Variants in EIF4G3 observed in about 807,000 individuals in gnomAD.
EIF4G3 encodes eukaryotic translation initiation factor 4 gamma 3, also known as eIF-4-gamma 3.
In EIF4G3, 34 loss-of-function variants were observed where a neutral mutation model predicts 186.4. The ratio of observed to expected loss-of-function variants is 0.18; its 90% confidence interval spans 0.14 to 0.24. The LOEUF is 0.24. EIF4G3 is among the 10% of genes least tolerant of loss of function. The pLI, the probability that EIF4G3 is intolerant of heterozygous loss-of-function variation, is 1.00. For missense variants in EIF4G3, 1,536 were observed against 1,948.5 expected (o/e 0.79, Z 3.99); for synonymous variants, 673 against 679.5 (o/e 0.99, Z 0.15).
In EIF4G3 at chr1:21,023,949, G is replaced by A. The variant is rs1200772743; in HGVS notation, c.-66-21141C>T. On this transcript the variant is annotated intron_variant, in intron 4 of 36. Coordinates refer to ENST00000602326, the MANE Select transcript of EIF4G3 (RefSeq NM_001391906.1). Reference sequence around the variant, plus strand: ...GTGAGGAGCGCCTCTGCCCGGCCACGACCCCATCTGGGAGGTGAGGAGCGT... The same window carrying A: ...GTGAGGAGCGCCTCTGCCCGGCCACAACCCCATCTGGGAGGTGAGGAGCGT... 1.1e-4 allele frequency among the ~76,000 whole-genome samples: 6 copies of A among 56,654 alleles called. 2 individuals are homozygous for A. The highest frequency in any genetic ancestry group is 1.2e-3 in the South Asian group (2 of 1,736). The allele number at this position is 56,654 out of a possible 152,430, so 37.2% of individuals were successfully genotyped here.
chr1:20,989,172 C>T (rs1419487161), intron 7 of EIF4G3, among the ~76,000 whole-genome samples: 1 of 149,086 alleles, frequency 6.7e-6, no homozygotes, highest in African/African-American at 2.5e-5. Flanking sequence ...AAGCTGATTC[C>T]AATACTCATG....
chr1:20,918,979 T>C (rs1008062156), intron 14 of EIF4G3, among the ~76,000 whole-genome samples: 1 of 152,216 alleles, frequency 6.6e-6, no homozygotes, highest in Admixed American at 6.5e-5. Context: ...GGCAAACTAA[T>C]AGCTTAAATG....
At chr1:21,101,927 G>T (rs979790604) in intron 2 of EIF4G3, among the ~76,000 whole-genome samples, 1 of 151,814 alleles carries the variant, frequency 6.6e-6, no homozygotes, top group Non-Finnish European at 1.5e-5. Flanking sequence ...TTGAGAGCTC[G>T]GCCATCTGTT....
At chr1:20,825,251 G>GAAAAAAAAAAAAA (rs71585786) in intron 32 of EIF4G3, 53 bp from the exon 33 acceptor site, 35 of 231,666 alleles carry the variant, frequency 1.5e-4, no homozygotes, top group South Asian at 3.2e-4. Context: ...AGAAGAAACA[G>GAAAAAAAAAAAAA]AAAAAAAAAA....
chr1:21,093,125 C>T (rs2096255550), intron 2 of EIF4G3, among the ~76,000 whole-genome samples: 1 of 152,164 alleles, frequency 6.6e-6, no homozygotes. Flanking sequence ...TAAAGAGCTT[C>T]TGTACAGCAA....
intron 30 of EIF4G3, among the ~76,000 whole-genome samples, chr1:20,833,675 A>C (rs1455409589): frequency 6.6e-6 from 1 of 152,234 alleles, no homozygotes; most frequent in Admixed American, 6.5e-5. Context: ...GTAATCCAGC[A>C]TATAAACAGA....
chr1:20,899,646 G>A, intron 16 of EIF4G3, 51 bp downstream of exon 16: 2 of 1,590,614 alleles, frequency 1.3e-6, no homozygotes, highest in Non-Finnish European at 1.7e-6. Context: ...ATTTCTCTAA[G>A]GTTGCAGTAG....
At chr1:21,080,899 T>C (rs769635588) in intron 3 of EIF4G3, among the ~76,000 whole-genome samples, 2 of 152,220 alleles carry the variant, frequency 1.3e-5, no homozygotes, top group Non-Finnish European at 2.9e-5. Flanking sequence ...TATTCTATTA[T>C]TAAGTTCATC....
intron 4 of EIF4G3, among the ~76,000 whole-genome samples, chr1:21,005,394 T>C (rs1337006564): frequency 6.6e-6 from 1 of 152,168 alleles, no homozygotes. Flanking sequence ...CAGGAGTTTC[T>C]AGCTGTCAAG....
intron 6 of EIF4G3, among the ~76,000 whole-genome samples, chr1:20,999,148 C>T (rs1008925783): frequency 6.6e-6 from 1 of 152,168 alleles, no homozygotes; most frequent in Non-Finnish European, 1.5e-5. Flanking sequence ...TAAAATGTCA[C>T]CTTTTGTTCA....
rs79852538 is a variant in EIF4G3 at position 21,106,910 on chromosome 1, G to A, written c.-271-17697C>T. ...TACTCTTCACACTTTACACTCTACT[G>A]TTGACACATCAGGACAAGGGCAACT... is the stretch of plus-strand genomic sequence containing the variant. On this transcript the variant is annotated intron_variant, in intron 2 of 36. Coordinates refer to ENST00000602326, the MANE Select transcript of EIF4G3 (RefSeq NM_001391906.1). 1.8e-4 allele frequency among the ~76,000 whole-genome samples: 28 copies of A among 152,236 alleles called. No individual in the cohort carries two copies. In the East Asian group the frequency reaches 5.0e-3, roughly 27 times the overall value.
chr1:21,029,532 G>A (rs1156378197), intron 4 of EIF4G3, among the ~76,000 whole-genome samples: 1 of 151,994 alleles, frequency 6.6e-6, no homozygotes, highest in Admixed American at 6.6e-5. Context: ...CACTTTGGGA[G>A]GCCAAGGCAG....
At chr1:21,139,020 G>A (rs2097295283) in intron 2 of EIF4G3, among the ~76,000 whole-genome samples, 1 of 152,024 alleles carries the variant, frequency 6.6e-6, no homozygotes, top group African/African-American at 2.4e-5. Flanking sequence ...AAAATGCTGG[G>A]ATTACAGGCA....
chr1:21,003,440 T>C (rs1355983910), intron 4 of EIF4G3: 1 of 167,714 alleles, frequency 6.0e-6, no homozygotes, highest in Non-Finnish European at 1.3e-5. Context: ...TAAGTTACCA[T>C]AAATCTCCTG....
At chr1:21,044,239 T>C (rs373311169) in intron 4 of EIF4G3, among the ~76,000 whole-genome samples, 2 of 152,242 alleles carry the variant, frequency 1.3e-5, no homozygotes, top group Admixed American at 6.5e-5. Context: ...TTTTTAAAAG[T>C]GTCAACAAAT....
At chr1:21,024,139 C>T (rs1295599803) in intron 4 of EIF4G3, among the ~76,000 whole-genome samples, 1 of 150,792 alleles carries the variant, frequency 6.6e-6, no homozygotes, top group Non-Finnish European at 1.5e-5. Context: ...CGTCTCCGCC[C>T]GGCAGTCACC....
intron 2 of EIF4G3, among the ~76,000 whole-genome samples, chr1:21,142,448 A>C (rs547603911): frequency 6.6e-6 from 1 of 152,294 alleles, no homozygotes; most frequent in East Asian, 1.9e-4. Flanking sequence ...TGGAAGTTGC[A>C]GTGAGTTGAG....
chr1:20,981,897 T>A (rs529580736), intron 8 of EIF4G3, among the ~76,000 whole-genome samples: 11 of 152,276 alleles, frequency 7.2e-5, no homozygotes, highest in South Asian at 6.2e-4. Flanking sequence ...CTGACTCTGA[T>A]AAAGAGTAAG....
chr1:21,018,135 A>T (rs1342168502), intron 4 of EIF4G3, among the ~76,000 whole-genome samples: 1 of 152,050 alleles, frequency 6.6e-6, no homozygotes, highest in Non-Finnish European at 1.5e-5. Context: ...TTATAGAGAC[A>T]CATTCTTGCT....
Sources: gnomAD v4.1 joint callset for allele counts (sites outside exome capture counted in the v4.1 genomes callset) on GRCh38, gnomAD v4.1.1 for gene constraint, MANE v1.5 for transcripts, NCBI Gene and HGNC (gene_info 2026-07-23, HGNC 2026-07-21) for gene names.